Variants in C3 observed in about 807,000 individuals in gnomAD.
The protein encoded by C3 is C3 and PZP-like alpha-2-macroglobulin domain-containing protein 1.
C3 carries 97 observed loss-of-function variants against 207.9 expected under a neutral mutation model. The observed-to-expected ratio is 0.47, with a 90% CI of 0.40 to 0.55. The LOEUF is 0.55. C3 is among the 20% of genes least tolerant of loss of function. The pLI is 0.00. For missense variants in C3, 1,684 were observed against 2,171.7 expected (o/e 0.78, Z 4.46); for synonymous variants, 848 against 857.6 (o/e 0.99, Z 0.20).
At position 6,714,371 on chromosome 19, in the gene C3, C is replaced by T; in HGVS notation, c.580G>A (p.Asp194Asn). 6.2e-7 allele frequency: 1 copy of T among 1,613,828 alleles called. No individual in the cohort carries two copies. Among genetic ancestry groups the T allele is most frequent in the Non-Finnish European group, 8.5e-7 (1 of 1,179,994 alleles). Residue 194 changes from aspartate to asparagine, a missense_variant, in exon 5 of 41, where the codon GAC (aspartate) becomes AAC (asparagine). Asp to Asn is a conservative substitution (Grantham distance 23). Transcript: ENST00000245907. ...ACATACTTGACGAGTTCCGGAATGT[C>T]CCAAGACAAGGGCAAGACGCCAAGC... The part of the protein sequence containing the change: ...NQLGVLPLSW[D>N]IPELVNMGQW...
At chr19:6,712,209 T>C in intron 11 of C3, 48 bp downstream of exon 11, 1 of 1,609,858 alleles carries the variant, frequency 6.2e-7, no homozygotes, top group South Asian at 1.1e-5. Flanking sequence ...CCAGAACCCC[T>C]GTACCGTCTT....
At chr19:6,693,334 C>G in intron 25 of C3, 78 bp downstream of exon 25, 6 of 1,433,156 alleles carry the variant, frequency 4.2e-6, no homozygotes, top group Non-Finnish European at 5.7e-6. Flanking sequence ...TAAGGGACCA[C>G]CCCTGGCCAG....
chr19:6,677,952 T>C lies in C3; in HGVS notation c.4922A>G (p.Glu1641Gly), dbSNP rs34370481. 122 of 1,614,020 alleles carry C rather than the reference T, an allele frequency of 7.6e-5. No individual in the cohort carries two copies. The highest frequency in any genetic ancestry group is 9.3e-5 in the Non-Finnish European group (110 of 1,180,024). ...WPEEDECQDE[E>G]NQKQCQDLGA... ...GAGGTCCTGGCATTGTTTCTGGTTC[T>C]CTTCGTCTTGGCATTCGTCCTCCTC... Residue 1641 changes from glutamate (E) to glycine (G), a missense_variant, in exon 41 of 41, where the codon GAG (glutamate) becomes GGG (glycine). This residue lies in a region of C3 where 346 missense variants were observed against 380.1 expected (regional missense o/e 0.91). Coordinates refer to ENST00000245907, the MANE Select transcript of C3 (RefSeq NM_000064.4).
intron 33 of C3, chr19:6,682,534 A>G (rs1221524778): frequency 1.3e-5 from 5 of 389,754 alleles, no homozygotes; most frequent in Non-Finnish European, 2.5e-5. Context: ...AGGCAAGAAT[A>G]CAGGCAGCCC....
chr19:6,710,014 AGGGAGAGAGGGC>A (rs1967870501), intron 13 of C3, among the ~76,000 whole-genome samples, 172 bp from the exon 14 acceptor site: 1 of 134,126 alleles, frequency 7.5e-6, no homozygotes, highest in African/African-American at 2.9e-5. Context: ...AGGGAGAGAG[AGGGAGAGAGGGC>A]GGGAGAGAGA....
chr19:6,680,046 C>G (rs180725964), intron 36 of C3, 112 bp downstream of exon 36: 1 of 754,454 alleles, frequency 1.3e-6, no homozygotes, highest in East Asian at 2.5e-5. Context: ...TACGAATGCT[C>G]AAATCCCTGG....
intron 14 of C3, 65 bp downstream of exon 14, chr19:6,709,619 A>AC: frequency 3.5e-5 from 15 of 432,206 alleles, no homozygotes; most frequent in South Asian, 2.3e-4. Flanking sequence ...AGTCCCACCC[A>AC]CCTCCCCCAG....
At chr19:6,708,312 T>A (rs770034688) in intron 14 of C3, among the ~76,000 whole-genome samples, 22 of 152,152 alleles carry the variant, frequency 1.4e-4, no homozygotes, top group Non-Finnish European at 1.9e-4. Context: ...AATTTTTATA[T>A]ATTTAGTAGA....
At position 6,679,489 on chromosome 19, in the gene C3, G is replaced by C. The variant is rs150201104; in HGVS notation, c.4464C>G (p.Ser1488Arg). 2 of 1,611,058 alleles carry C rather than the reference G, an allele frequency of 1.2e-6. No individual in the cohort carries two copies. The highest frequency in any genetic ancestry group is 1.1e-5 in the South Asian group (1 of 91,018). The change falls in exon 37 of 41, where the codon AGC becomes AGG. Residue 1488 changes from serine (S) to arginine (R), a missense_variant. Ser to Arg is a moderately radical substitution (Grantham distance 110). Transcript: ENST00000245907. ...KVYAYYNLEE[S>R]CTRFYHPEKE... ...TTTCCGGATGGTAGAACCGGGTACA[G>C]CTTTCCTCTGCGGGCAGATGTGATG...
At chr19:6,679,274 G>A in intron 37 of C3, 66 bp from the exon 38 acceptor site, 1 of 1,508,944 alleles carries the variant, frequency 6.6e-7, no homozygotes, top group South Asian at 1.1e-5. Flanking sequence ...GCCCATGGGT[G>A]TGGCCAGCCC....
rs1196985008 is a variant in C3, at chr19:6,707,223, C to T, written c.2098G>A (p.Glu700Lys). ...LRKCCEDGMR[E>K]NPMRFSCQRR... ...TGGCACGAGAACCTCATGGGGTTCT[C>T]CCGCATGCCGTCCTCGCAGCACTTG... Residue 700 changes from glutamate to lysine, a missense_variant, in exon 17 of 41, where the codon GAG (glutamate) becomes AAG (lysine). Glu to Lys is a moderately conservative substitution (Grantham distance 56). This residue lies in a region of C3 where 1,280 missense variants were observed against 1,739.1 expected (regional missense o/e 0.74). Transcript: ENST00000245907. 2.5e-6 allele frequency: 4 copies of T among 1,613,504 alleles called. No individual in the cohort carries two copies. The highest frequency in any genetic ancestry group is 3.4e-6 in the Non-Finnish European group (4 of 1,179,812).
intron 27 of C3, among the ~76,000 whole-genome samples, chr19:6,690,265 T>A (rs11569514): frequency 0.11 from 16,071 of 152,246 alleles, 1,026 homozygotes; most frequent in Non-Finnish European, 0.13. Flanking sequence ...AGCACTGATG[T>A]AGAAAGCACT....
Position 6,719,086 on chromosome 19 carries a change from G to T in C3, c.267+125C>A. 1 of 852,622 alleles carries T rather than the reference G, an allele frequency of 1.2e-6. No homozygotes were observed. Among genetic ancestry groups the T allele is most frequent in the Non-Finnish European group, 2.0e-6 (1 of 502,676 alleles). 52.8% of individuals were successfully genotyped at this position (852,622 alleles called of 1,614,324 possible). A position where few individuals can be genotyped will look rare whatever the true frequency, so the allele number is the denominator to read the frequency against. ...CTTAGAAGGAGAGGCGACTCCGAAG[G>T]GGTGGAGTCTCAGGGAAGGGCAGGG... On this transcript the variant is annotated intron_variant, in intron 2 of 40. Transcript: ENST00000245907. This position sits in a 1 kb window ranked among gnomAD's most constrained non-coding sequence, Gnocchi z 5.4.
intron 17 of C3, among the ~76,000 whole-genome samples, chr19:6,706,218 T>C (rs1247307123): frequency 6.6e-6 from 1 of 152,240 alleles, no homozygotes; most frequent in Non-Finnish European, 1.5e-5. Flanking sequence ...AGCCCCATCA[T>C]CTTTCTAGAC....
intron 35 of C3, among the ~76,000 whole-genome samples, chr19:6,680,811 G>T (rs1254416679): frequency 6.6e-6 from 1 of 152,132 alleles, no homozygotes; most frequent in Admixed American, 6.6e-5. Context: ...AGGATATGGG[G>T]ATAGGAGAAT....
At chr19:6,697,230 TG>T in intron 21 of C3, 113 bp downstream of exon 21, 1 of 822,258 alleles carries the variant, frequency 1.2e-6, no homozygotes, top group Non-Finnish European at 2.0e-6. Context: ...TTTCCTAAGC[TG>T]GACACTATGA....
At chr19:6,707,416 G>T in intron 16 of C3, 50 bp downstream of exon 16, 2 of 1,607,222 alleles carry the variant, frequency 1.2e-6, no homozygotes, top group Non-Finnish European at 8.5e-7. Context: ...CCGGGCTGGG[G>T]TCTCCTGGGG....
chr19:6,696,724 G>C, intron 21 of C3, 65 bp from the exon 22 acceptor site: 1 of 1,454,302 alleles, frequency 6.9e-7, no homozygotes, highest in Non-Finnish European at 9.7e-7. Flanking sequence ...CACACAGATG[G>C]TCAGCAGGGC....
chr19:6,680,476 C>A (rs1351437939), intron 35 of C3, among the ~76,000 whole-genome samples: 2 of 152,190 alleles, frequency 1.3e-5, no homozygotes, highest in Non-Finnish European at 2.9e-5. Flanking sequence ...GGCCAGGTGG[C>A]TGAACAGATT....
Sources: allele counts gnomAD v4.1 joint callset (sites outside exome capture counted in the v4.1 genomes callset), GRCh38; gene constraint gnomAD v4.1.1; regional missense constraint gnomAD v4.1.1; non-coding constraint Gnocchi (gnomAD v3.1); transcripts MANE v1.5; gene names NCBI Gene and HGNC (gene_info 2026-07-23, HGNC 2026-07-21).